Variants in UBE2E3 observed in about 807,000 individuals in gnomAD.
UBE2E3 encodes the protein ubiquitin-conjugating enzyme E2 E3.
UBE2E3 carries 5 observed loss-of-function variants against 23.6 expected under a neutral mutation model. That is an observed-to-expected ratio of 0.21 (90% CI 0.11 to 0.44). The LOEUF (loss-of-function observed/expected upper bound fraction) is 0.44, where lower values mean the gene tolerates loss of function less well. UBE2E3 is among the 20% of genes least tolerant of loss of function. UBE2E3 has a pLI of 0.99. For missense variants in UBE2E3, 81 were observed against 249.8 expected (o/e 0.32, Z 4.55); for synonymous variants, 78 against 87.5 (o/e 0.89, Z 0.60).
In UBE2E3 at chr2:180,980,701, C is replaced by G. The variant is rs191441558; in HGVS notation, c.-298C>G. ...GTCTCCCGCGTCCCCTCCGCCTCGC[C>G]GGGAGCTCGCGCCCTCGCCCAGCCG... On this transcript the variant is annotated 5_prime_UTR_variant, in exon 1 of 6. Transcript: ENST00000410062. This position sits in a 1 kb window ranked among gnomAD's most constrained non-coding sequence, Gnocchi z 5.5. 1.3e-5 allele frequency: 2 copies of G among 148,708 alleles called. No individual in the cohort carries two copies. Among genetic ancestry groups the G allele is most frequent in the East Asian group, 2.0e-4 (1 of 4,954 alleles). The allele number at this position is 148,708 out of a possible 1,614,324, so 9.2% of individuals were successfully genotyped here.
rs764050671 is a variant in UBE2E3 at position 181,027,186 on chromosome 2, T to C, written c.246-30507T>C. Among the ~76,000 whole-genome samples, 11 of 152,084 alleles carry C rather than the reference T, an allele frequency of 7.2e-5. No homozygotes were observed. The East Asian group carries it at 1.4e-3, about 19-fold the overall frequency. On this transcript the variant is annotated intron_variant, in intron 3 of 5. Transcript: ENST00000410062. ...TAAAAGGTCTCTATTTTATGACTTATGTGAATTTCGGATTTGTAACGTATA... is the reference window on the plus strand; with the variant it reads ...TAAAAGGTCTCTATTTTATGACTTACGTGAATTTCGGATTTGTAACGTATA...
chr2:181,028,237 ATG>A (rs1236223363), intron 3 of UBE2E3, among the ~76,000 whole-genome samples: 1 of 151,960 alleles, frequency 6.6e-6, no homozygotes, highest in African/African-American at 2.4e-5. Context: ...GAGTCTTGGC[ATG>A]TAGCTATAGT....
chr2:181,058,357 A>G (rs992468706), intron 4 of UBE2E3, among the ~76,000 whole-genome samples: 9 of 151,728 alleles, frequency 5.9e-5, no homozygotes, highest in Admixed American at 5.3e-4. Flanking sequence ...AGAATGCCTG[A>G]GTTTTGTTGG....
chr2:181,019,986 A>G (rs1685622993), intron 3 of UBE2E3, among the ~76,000 whole-genome samples: 1 of 152,148 alleles, frequency 6.6e-6, no homozygotes, highest in South Asian at 2.1e-4. Flanking sequence ...CCTTTTGACC[A>G]ATATCTCCCC....
chr2:181,028,304 G>A (rs1199131931), intron 3 of UBE2E3, among the ~76,000 whole-genome samples: 1 of 152,046 alleles, frequency 6.6e-6, no homozygotes, highest in Non-Finnish European at 1.5e-5. Context: ...ATTCATTGTA[G>A]TAGGGTATAT....
At chr2:181,013,153 T>C (rs1335448928) in intron 3 of UBE2E3, among the ~76,000 whole-genome samples, 2 of 152,138 alleles carry the variant, frequency 1.3e-5, no homozygotes, top group Non-Finnish European at 2.9e-5. Context: ...ATTGCAAATA[T>C]GTTAATTGCA....
At chr2:181,034,453 C>T (rs931823824) in intron 3 of UBE2E3, among the ~76,000 whole-genome samples, 15 of 152,316 alleles carry the variant, frequency 9.8e-5, no homozygotes, top group Admixed American at 5.9e-4. Flanking sequence ...CACAGGTTCT[C>T]ACTCATAGGT....
intron 3 of UBE2E3, among the ~76,000 whole-genome samples, chr2:181,006,068 C>T (rs1352811188): frequency 3.3e-5 from 5 of 152,152 alleles, no homozygotes; most frequent in Non-Finnish European, 5.9e-5. Flanking sequence ...AGGTCCAAGC[C>T]TAGTCCTTCT....
chr2:180,990,037 A>G, intron 3 of UBE2E3: 3 of 1,444,620 alleles, frequency 2.1e-6, no homozygotes, highest in Middle Eastern at 2.4e-4. Context: ...TTTTCCACAT[A>G]CCAATTTTGA....
At chr2:181,001,124 G>T (rs1015365488) in intron 3 of UBE2E3, among the ~76,000 whole-genome samples, 1 of 152,154 alleles carries the variant, frequency 6.6e-6, no homozygotes, top group Non-Finnish European at 1.5e-5. Context: ...TCAGAAACCT[G>T]TTGAAAGTTT....
At chr2:181,032,218 C>A (rs1462312728) in intron 3 of UBE2E3, among the ~76,000 whole-genome samples, 1 of 152,092 alleles carries the variant, frequency 6.6e-6, no homozygotes, top group Admixed American at 6.6e-5. Context: ...AAGGCTAAAG[C>A]GAACATCATT....
At chr2:181,043,092 T>C (rs1686563736) in intron 3 of UBE2E3, among the ~76,000 whole-genome samples, 1 of 152,202 alleles carries the variant, frequency 6.6e-6, no homozygotes, top group Non-Finnish European at 1.5e-5. Flanking sequence ...TAAAAAATTG[T>C]TTTAAATAAA....
intron 3 of UBE2E3, among the ~76,000 whole-genome samples, chr2:180,993,103 A>C (rs972264995): frequency 1.3e-5 from 2 of 152,200 alleles, no homozygotes; most frequent in African/African-American, 4.8e-5. Flanking sequence ...ACATTCTATC[A>C]GTTTTATAAG....
rs925294214 is a variant in UBE2E3, at chr2:180,982,320, G to A, written c.194+84G>A. On this transcript the variant is annotated intron_variant, in intron 2 of 5. Transcript: ENST00000410062. Reference sequence around the variant, plus strand: ...CGCTTTTGTTGGTTTTACCTCAATAGCAGTAGTTCAGAAATATTTACTTCA... The same window carrying A: ...CGCTTTTGTTGGTTTTACCTCAATAACAGTAGTTCAGAAATATTTACTTCA... The A allele has an allele frequency of 6.5e-6, 8 of 1,228,028 alleles. 1 individual carries two copies. The highest frequency in any genetic ancestry group is 9.2e-6 in the Non-Finnish European group (8 of 866,640). 76.1% of individuals were successfully genotyped at this position (1,228,028 alleles called of 1,614,324 possible).
At chr2:181,050,263 GT>G (rs1686785550) in intron 3 of UBE2E3, among the ~76,000 whole-genome samples, 1 of 151,918 alleles carries the variant, frequency 6.6e-6, no homozygotes, top group Non-Finnish European at 1.5e-5. Flanking sequence ...GGCCATATTT[GT>G]TTTGAAGGTG....
intron 3 of UBE2E3, among the ~76,000 whole-genome samples, chr2:181,037,083 G>C (rs979887817): frequency 3.3e-5 from 5 of 152,116 alleles, no homozygotes; most frequent in African/African-American, 1.2e-4. Flanking sequence ...GATTATGATA[G>C]AGCTGAAAAA....
chr2:181,041,027 A>AT (rs1686477180), intron 3 of UBE2E3, among the ~76,000 whole-genome samples: 1 of 152,048 alleles, frequency 6.6e-6, no homozygotes, highest in African/African-American at 2.4e-5. Context: ...AGGCGGGCGA[A>AT]TCACGAGGTC....
intron 3 of UBE2E3, among the ~76,000 whole-genome samples, chr2:181,034,754 A>G (rs1686215044): frequency 6.6e-6 from 1 of 152,172 alleles, no homozygotes; most frequent in South Asian, 2.1e-4. Context: ...TTTAGTGTGA[A>G]CCTTGAATTT....
At position 181,051,917 on chromosome 2, in the gene UBE2E3, C is replaced by G. The variant is rs552056414; in HGVS notation, c.246-5776C>G. ...TGGCATTGTACCTAAAATTTTGTAT[C>G]TGTTTTTAAGTCAAAAATACGTTTT... On this transcript the variant is annotated intron_variant, in intron 3 of 5. Transcript: ENST00000410062. Among the ~76,000 whole-genome samples the G allele has an allele frequency of 6.5e-4, 99 of 151,870 alleles. 1 individual carries two copies. Among genetic ancestry groups the G allele is most frequent in the African/African-American group, 2.3e-3 (97 of 41,488 alleles).
Sources: gnomAD v4.1 joint callset for allele counts (sites outside exome capture counted in the v4.1 genomes callset) on GRCh38, gnomAD v4.1.1 for gene constraint, Gnocchi (gnomAD v3.1) non-coding constraint, MANE v1.5 for transcripts, NCBI Gene and HGNC (gene_info 2026-07-23, HGNC 2026-07-21) for gene names.